PIANP: variants seen among roughly 807,000 people sequenced by gnomAD.
PIANP encodes the protein PILR alpha associated neural protein.
A neutral mutation model predicts 28.9 loss-of-function variants in PIANP; 14 were observed. The ratio of observed to expected loss-of-function variants is 0.49; its 90% CI spans 0.32 to 0.76. PIANP has a LOEUF of 0.76. Among genes scored for constraint, PIANP ranks in the 30% least tolerant of loss-of-function variants. PIANP has a pLI of 0.03. For synonymous variants in PIANP, 149 were observed against 156.6 expected (o/e 0.95, Z 0.36); for missense variants, 322 against 371.8 (o/e 0.87, Z 1.10).
rs549301932 is a variant in PIANP at position 6,697,896 on chromosome 12, A to G, written c.18-104T>C. The G allele has an allele frequency of 1.0e-3, 1,559 of 1,508,724 alleles. 1 individual carries two copies. Among genetic ancestry groups the G allele is most frequent in the Non-Finnish European group, 1.3e-3 (1,465 of 1,122,188 alleles). The allele number at this position is 1,508,724 out of a possible 1,614,324, so 93.5% of individuals were successfully genotyped here. ...AACCTCCAGGTTTCCCTGTGAAAGC[A>G]GGTGGGCCTTGGGAAGACTCGCCTC... On this transcript the variant is annotated intron_variant, in intron 2 of 4. Coordinates refer to ENST00000534837, the MANE Select transcript of PIANP (RefSeq NM_001244014.2). The surrounding 1 kb of genome is among the most constrained non-coding windows in gnomAD (Gnocchi z 6.9).
intron 1 of PIANP, 62 bp from the exon 2 acceptor site, chr12:6,698,166 A>G: frequency 2.2e-6 from 3 of 1,338,018 alleles, no homozygotes; most frequent in Non-Finnish European, 3.1e-6. Flanking sequence ...CAGCTAATTC[A>G]TCCACCAATT....
At position 6,696,405 on chromosome 12, in the gene PIANP, C is replaced by G; in HGVS notation, c.605+38G>C. ...TTAGAGCCTCGACTGCCAAACATTCCGTCCCCATCCACCAGCACCTTCCTC... is the reference window on the plus strand; with the variant it reads ...TTAGAGCCTCGACTGCCAAACATTCGGTCCCCATCCACCAGCACCTTCCTC... On this transcript the variant is annotated intron_variant, in intron 4 of 4. Coordinates refer to ENST00000534837, the MANE Select transcript of PIANP (RefSeq NM_001244014.2). This position sits in a 1 kb window ranked among gnomAD's most constrained non-coding sequence, Gnocchi z 4.0. 6.6e-7 allele frequency: 1 copy of G among 1,504,422 alleles called. No homozygotes were observed. The highest frequency in any genetic ancestry group is 9.0e-7 in the Non-Finnish European group (1 of 1,111,330). The allele number at this position is 1,504,422 out of a possible 1,614,324, so 93.2% of individuals were successfully genotyped here.
At position 6,695,481 on chromosome 12, in the gene PIANP, G is replaced by C; in HGVS notation, c.776C>G (p.Pro259Arg). Residue 259 changes from proline to arginine, a missense_variant, in exon 5 of 5, where the codon CCC (proline) becomes CGC (arginine). By Grantham distance (103) the Pro-to-Arg change is moderately radical. Coordinates refer to ENST00000534837, the MANE Select transcript of PIANP (RefSeq NM_001244014.2). This position sits in a 1 kb window ranked among gnomAD's most constrained non-coding sequence, Gnocchi z 4.2. ...TPDHEEPRGG[P>R]RPGMPHPKGA... ...CTTGGGGTGGGGCATCCCAGGCCGG[G>C]GTCCCCCTCGGGGCTCCTCATGGTC... 1 of 1,525,502 alleles carries C rather than the reference G, an allele frequency of 6.6e-7. No homozygotes were observed. Among genetic ancestry groups the C allele is most frequent in the Non-Finnish European group, 8.8e-7 (1 of 1,136,066 alleles). 94.5% of individuals were successfully genotyped at this position (1,525,502 alleles called of 1,614,324 possible). A position where few individuals can be genotyped will look rare whatever the true frequency, so the allele number is the denominator to read the frequency against.
rs1247745677 is a variant in PIANP, at chr12:6,700,616, G to A, written c.-46C>T. The A allele has an allele frequency of 3.3e-5, 5 of 153,204 alleles. No homozygotes were observed. The highest frequency in any genetic ancestry group is 7.2e-5 in the Non-Finnish European group (5 of 69,004). 9.5% of individuals were successfully genotyped at this position (153,204 alleles called of 1,614,324 possible). A position where few individuals can be genotyped will look rare whatever the true frequency, so the allele number is the denominator to read the frequency against. On this transcript the variant is annotated splice_region_variant and 5_prime_UTR_variant, in exon 1 of 5. It introduces an in-frame stop codon into an upstream open reading frame of the 5' UTR. Transcript: ENST00000534837. The surrounding 1 kb of genome is among the most constrained non-coding windows in gnomAD (Gnocchi z 5.5). ...GCGTGGGGGTCCCTCTCACTCACCTGCATGCTTGGCGCGGCGGCGCGACGA... is the reference window on the plus strand; with the variant it reads ...GCGTGGGGGTCCCTCTCACTCACCTACATGCTTGGCGCGGCGGCGCGACGA...
At position 6,696,478 on chromosome 12, in the gene PIANP, A is replaced by G. The variant is rs376198777; in HGVS notation, c.570T>C (p.Ile190=). ...AGATGATGCCAGTGGCCACGAGAAC[A>G]ATGATGATGGAGATGGTAATTGTGA... ...LYVTITISII[I]VLVATGIIFK... Residue 190 remains isoleucine, a synonymous_variant, in exon 4 of 5, where the codon ATT becomes ATC. Coordinates refer to ENST00000534837, the MANE Select transcript of PIANP (RefSeq NM_001244014.2). This position sits in a 1 kb window ranked among gnomAD's most constrained non-coding sequence, Gnocchi z 4.0. The G allele has an allele frequency of 1.2e-5, 20 of 1,602,528 alleles. No homozygotes were observed. Among genetic ancestry groups the G allele is most frequent in the Non-Finnish European group, 1.6e-5 (19 of 1,175,074 alleles).
Position 6,694,861 on chromosome 12 carries a change from A to G in PIANP, c.*565T>C. The G allele has an allele frequency of 1.4e-6, 1 of 728,304 alleles. No individual in the cohort carries two copies. The highest frequency in any genetic ancestry group is 2.9e-5 in the East Asian group (1 of 34,752). The allele number at this position is 728,304 out of a possible 1,614,324, so 45.1% of individuals were successfully genotyped here. The stretch of plus-strand genomic sequence containing the variant: ...GATATGTGAGGCCCCCACCTGCAGG[A>G]GGGCGAGCAGATAGGATTGCCCGTG... On this transcript the variant is annotated 3_prime_UTR_variant, in exon 5 of 5. Transcript: ENST00000534837. The surrounding 1 kb of genome is among the most constrained non-coding windows in gnomAD (Gnocchi z 6.1).
At position 6,697,377 on chromosome 12, in the gene PIANP, A is replaced by G; in HGVS notation, c.433T>C (p.Ser145Pro). 14 of 1,613,946 alleles carry G rather than the reference A, an allele frequency of 8.7e-6. No homozygotes were observed. Among genetic ancestry groups the G allele is most frequent in the Non-Finnish European group, 1.2e-5 (14 of 1,179,872 alleles). Residue 145 changes from serine to proline, a missense_variant, in exon 3 of 5, where the codon TCA becomes CCA. Coordinates refer to ENST00000534837, the MANE Select transcript of PIANP (RefSeq NM_001244014.2). The surrounding 1 kb of genome is among the most constrained non-coding windows in gnomAD (Gnocchi z 6.9). ...TCTCCATCACCTCGCATGGAGTCTGAGTTGGGGTGTGGGGTTGCGAGCCCA... is the reference window on the plus strand; with the variant it reads ...TCTCCATCACCTCGCATGGAGTCTGGGTTGGGGTGTGGGGTTGCGAGCCCA... ...PHGLATPHPN[S>P]DSMRGDGDGL... is the part of the protein sequence containing the mutation.
rs1034983863 is a variant in PIANP, at chr12:6,700,448, A to G, written c.-44+166T>C. ...CCAGGGAGGGCGGGAGCGAGCCAGG[A>G]CCGCGGAGGGATGGAGAGCCCTTCG... is the stretch of plus-strand genomic sequence containing the variant. On this transcript the variant is annotated intron_variant, in intron 1 of 4. Coordinates refer to ENST00000534837, the MANE Select transcript of PIANP (RefSeq NM_001244014.2). This position sits in a 1 kb window ranked among gnomAD's most constrained non-coding sequence, Gnocchi z 5.5. The G allele has an allele frequency of 2.0e-5, 3 of 151,868 alleles. No homozygotes were observed. Among genetic ancestry groups the G allele is most frequent in the African/African-American group, 7.3e-5 (3 of 41,168 alleles). The allele number at this position is 151,868 out of a possible 1,614,324, so 9.4% of individuals were successfully genotyped here.
At chr12:6,698,769 A>G (rs562696585) in intron 1 of PIANP, among the ~76,000 whole-genome samples, 43 of 152,360 alleles carry the variant, frequency 2.8e-4, no homozygotes, top group Middle Eastern at 3.4e-3. Flanking sequence ...AGGTGGAGTC[A>G]GGAAGAAACC....
rs1959917281 is a variant in PIANP at position 6,697,672 on chromosome 12, C to CG, written c.137dup (p.Cys47ValfsTer48). Reference sequence around the variant, plus strand: ...GGGCCGAGGGGCCTCCCCTGGCACACGGGGGGCGGGCTGGGGCTGGTGGGG... The same window carrying CG: ...GGGCCGAGGGGCCTCCCCTGGCACACGGGGGGGCGGGCTGGGGCTGGTGGGG... On this transcript the variant is annotated frameshift_variant, in exon 3 of 5. Transcript: ENST00000534837. LOFTEE classifies it high-confidence loss of function. The surrounding 1 kb of genome is among the most constrained non-coding windows in gnomAD (Gnocchi z 6.9). 4 of 1,239,198 alleles carry CG rather than the reference C, an allele frequency of 3.2e-6. No individual in the cohort carries two copies. The highest frequency in any genetic ancestry group is 1.4e-5 in the South Asian group (1 of 70,162). The allele number at this position is 1,239,198 out of a possible 1,614,324, so 76.8% of individuals were successfully genotyped here.
At position 6,697,561 on chromosome 12, in the gene PIANP, G is replaced by T. The variant is rs768889658; in HGVS notation, c.249C>A (p.Gly83=). Reference sequence around the variant, plus strand: ...CTGATGGGGTGGCTGGGGGTGCAGTGCCAGGCAGGACTTGCCGACGTGATC... The same window carrying T: ...CTGATGGGGTGGCTGGGGGTGCAGTTCCAGGCAGGACTTGCCGACGTGATC... ...VPRSRRQVLP[G]TAPPATPSGF... Residue 83 remains glycine, a synonymous_variant, in exon 3 of 5, where the codon GGC becomes GGA. Coordinates refer to ENST00000534837, the MANE Select transcript of PIANP (RefSeq NM_001244014.2). The surrounding 1 kb of genome is among the most constrained non-coding windows in gnomAD (Gnocchi z 6.9). 1 of 1,602,468 alleles carries T rather than the reference G, an allele frequency of 6.2e-7. No homozygotes were observed. The highest frequency in any genetic ancestry group is 8.5e-7 in the Non-Finnish European group (1 of 1,174,622).
chr12:6,698,782 C>T (rs1959958446), intron 1 of PIANP, among the ~76,000 whole-genome samples: 1 of 152,098 alleles, frequency 6.6e-6, no homozygotes, highest in South Asian at 2.1e-4. Context: ...AAGAAACCAC[C>T]CCCTCAAATG....
chr12:6,700,627 G>A lies in PIANP; in HGVS notation c.-57C>T, dbSNP rs1325632892. 6.5e-6 allele frequency: 1 copy of A among 153,016 alleles called. No individual in the cohort carries two copies. Among genetic ancestry groups the A allele is most frequent in the Non-Finnish European group, 1.5e-5 (1 of 68,902 alleles). 9.5% of individuals were successfully genotyped at this position (153,016 alleles called of 1,614,324 possible). A position where few individuals can be genotyped will look rare whatever the true frequency, so the allele number is the denominator to read the frequency against. ...CCTCTCACTCACCTGCATGCTTGGC[G>A]CGGCGGCGCGACGACTGCGGGCGCT... On this transcript the variant is annotated 5_prime_UTR_variant, in exon 1 of 5. Coordinates refer to ENST00000534837, the MANE Select transcript of PIANP (RefSeq NM_001244014.2). The surrounding 1 kb of genome is among the most constrained non-coding windows in gnomAD (Gnocchi z 5.5).
Position 6,697,817 on chromosome 12 carries a change from TGA to T in PIANP, c.18-27_18-26del. 1 of 1,511,782 alleles carries T rather than the reference TGA, an allele frequency of 6.6e-7. No homozygotes were observed. The allele number at this position is 1,511,782 out of a possible 1,614,324, so 93.6% of individuals were successfully genotyped here. On this transcript the variant is annotated intron_variant, in intron 2 of 4. Transcript: ENST00000534837. This position sits in a 1 kb window ranked among gnomAD's most constrained non-coding sequence, Gnocchi z 6.9. ...CCTGCAAGAAGGGAGAGAGCGTGGCTGAGACACAGGCCTACTGTGGGCCTATG... is the reference window on the plus strand; with the variant it reads ...CCTGCAAGAAGGGAGAGAGCGTGGCTGACACAGGCCTACTGTGGGCCTATG...
chr12:6,697,266 C>G lies in PIANP; in HGVS notation c.523+21G>C. 6.2e-7 allele frequency: 1 copy of G among 1,612,734 alleles called. No homozygotes were observed. Among genetic ancestry groups the G allele is most frequent in the Non-Finnish European group, 8.5e-7 (1 of 1,179,500 alleles). ...CCCAGCCTCCCCATCCGTCATATCCCTCCCAGCCTTTCCCACTCACCTTCC... is the reference window on the plus strand; with the variant it reads ...CCCAGCCTCCCCATCCGTCATATCCGTCCCAGCCTTTCCCACTCACCTTCC... On this transcript the variant is annotated intron_variant, in intron 3 of 4. Transcript: ENST00000534837. The surrounding 1 kb of genome is among the most constrained non-coding windows in gnomAD (Gnocchi z 6.9).
chr12:6,700,541 C>T lies in PIANP; in HGVS notation c.-44+73G>A. The stretch of plus-strand genomic sequence containing the variant: ...GGACCGCGTCGGGAGGGGCAGGAGG[C>T]GCAGGGCGCGGAGCCGGGAAGGGCA... On this transcript the variant is annotated intron_variant, in intron 1 of 4. Coordinates refer to ENST00000534837, the MANE Select transcript of PIANP (RefSeq NM_001244014.2). This position sits in a 1 kb window ranked among gnomAD's most constrained non-coding sequence, Gnocchi z 5.5. 1 of 152,452 alleles carries T rather than the reference C, an allele frequency of 6.6e-6. No homozygotes were observed. The highest frequency in any genetic ancestry group is 1.5e-5 in the Non-Finnish European group (1 of 68,430). The allele number at this position is 152,452 out of a possible 1,614,324, so 9.4% of individuals were successfully genotyped here. A position where few individuals can be genotyped will look rare whatever the true frequency, so the allele number is the denominator to read the frequency against.
In PIANP at chr12:6,697,646, G is replaced by A. The variant is rs1259085595; in HGVS notation, c.164C>T (p.Pro55Leu). 6.4e-7 allele frequency: 1 copy of A among 1,557,694 alleles called. No homozygotes were observed. Among genetic ancestry groups the A allele is most frequent in the South Asian group, 1.2e-5 (1 of 84,644 alleles). The change falls in exon 3 of 5, where the codon CCA (proline) becomes CTA (leucine). Residue 55 changes from proline (P) to leucine (L), a missense_variant. Transcript: ENST00000534837. This position sits in a 1 kb window ranked among gnomAD's most constrained non-coding sequence, Gnocchi z 6.9. Reference sequence around the variant, plus strand: ...TCGCTCCCACACGCACACATGACGTGGGGCCGAGGGGCCTCCCCTGGCACA... The same window carrying A: ...TCGCTCCCACACGCACACATGACGTAGGGCCGAGGGGCCTCCCCTGGCACA... ...PPCARGGPSA[P>L]RHVCVWERAP...
chr12:6,695,205 G>C lies in PIANP; in HGVS notation c.*221C>G. ...ATGAGAAAAAACCAAAGAGGGCAGA[G>C]TTGGAGTTATGGGCAGCAGAGAATA... On this transcript the variant is annotated 3_prime_UTR_variant, in exon 5 of 5. Coordinates refer to ENST00000534837, the MANE Select transcript of PIANP (RefSeq NM_001244014.2). The surrounding 1 kb of genome is among the most constrained non-coding windows in gnomAD (Gnocchi z 4.2). The C allele has an allele frequency of 2.8e-6, 4 of 1,453,940 alleles. No homozygotes were observed. The highest frequency in any genetic ancestry group is 3.6e-6 in the Non-Finnish European group (4 of 1,096,468). 90.1% of individuals were successfully genotyped at this position (1,453,940 alleles called of 1,614,324 possible).
Position 6,694,906 on chromosome 12 carries a change from G to T in PIANP, c.*520C>A. ...CCCGTGGGGCTGGGGAGTGTTCCGG[G>T]TGGTGTGCAAGGGGCAGGAGCCAGG... On this transcript the variant is annotated 3_prime_UTR_variant, in exon 5 of 5. Transcript: ENST00000534837. The surrounding 1 kb of genome is among the most constrained non-coding windows in gnomAD (Gnocchi z 6.1). 1 of 1,144,810 alleles carries T rather than the reference G, an allele frequency of 8.7e-7. No individual in the cohort carries two copies. The highest frequency in any genetic ancestry group is 1.2e-6 in the Non-Finnish European group (1 of 833,374). 70.9% of individuals were successfully genotyped at this position (1,144,810 alleles called of 1,614,324 possible). A position where few individuals can be genotyped will look rare whatever the true frequency, so the allele number is the denominator to read the frequency against.
Sources: allele counts gnomAD v4.1 joint callset (sites outside exome capture counted in the v4.1 genomes callset), GRCh38; gene constraint gnomAD v4.1.1; non-coding constraint Gnocchi (gnomAD v3.1); transcripts MANE v1.5; gene names NCBI Gene and HGNC (gene_info 2026-07-23, HGNC 2026-07-21).